Variants in AKAP1 observed in about 807,000 individuals in gnomAD.
The protein encoded by AKAP1 is A-kinase anchor protein 1, mitochondrial.
Under a neutral mutation model 79.8 loss-of-function variants are expected in AKAP1, and 32 were observed. That is an observed-to-expected ratio of 0.40 (90% CI 0.30 to 0.54). The LOEUF is 0.54. Ranked by LOEUF, AKAP1 falls within the 20% of genes least tolerant of loss-of-function variation. The probability of loss-of-function intolerance (pLI) is 0.47; values close to 1 mark genes in which losing one functional copy is unlikely to be tolerated. For missense variants in AKAP1, 961 were observed against 1,138.9 expected (o/e 0.84, Z 2.25); for synonymous variants, 416 against 466.7 (o/e 0.89, Z 1.40).
chr17:57,096,527 T>C (rs1299139589), intron 1 of AKAP1: 3 of 151,602 alleles, frequency 2.0e-5, no homozygotes, highest in Non-Finnish European at 4.4e-5. Context: ...ACAACCCCAC[T>C]GTGAGCTAAT....
chr17:57,118,491 T>C, intron 9 of AKAP1, 37 bp downstream of exon 9: 1 of 1,607,362 alleles, frequency 6.2e-7, no homozygotes, highest in Non-Finnish European at 8.5e-7. Flanking sequence ...GCAGGCTGGC[T>C]GGGTTCTTGG....
intron 6 of AKAP1, 43 bp from the exon 7 acceptor site, chr17:57,116,068 C>T (rs1915561066): frequency 2.5e-6 from 4 of 1,597,052 alleles, no homozygotes; most frequent in South Asian, 1.1e-5. Flanking sequence ...TGGTGCCCTG[C>T]CCTGGCCCAG....
chr17:57,111,617 C>G (rs1319816816), intron 3 of AKAP1, among the ~76,000 whole-genome samples, 181 bp from the exon 4 acceptor site: 1 of 152,288 alleles, frequency 6.6e-6, no homozygotes, highest in African/African-American at 2.4e-5. Context: ...ATAAAGTTAT[C>G]TGTGTTTCAC....
intron 6 of AKAP1, among the ~76,000 whole-genome samples, chr17:57,115,140 A>G (rs916287156): frequency 6.6e-6 from 1 of 152,146 alleles, no homozygotes; most frequent in East Asian, 1.9e-4. Context: ...GACTTGCCCA[A>G]GTGAGCAGGA....
chr17:57,110,760 T>C (rs533370308), intron 3 of AKAP1, among the ~76,000 whole-genome samples: 121 of 152,364 alleles, frequency 7.9e-4, no homozygotes, highest in South Asian at 3.3e-3. Context: ...TGTTATTCTT[T>C]GAAAATGTAA....
Position 57,120,584 on chromosome 17 carries a change from A to AT in AKAP1, c.*260_*261insT. The AT allele has an allele frequency of 2.7e-6, 1 of 373,424 alleles. No homozygotes were observed. The allele number at this position is 373,424 out of a possible 1,614,324, so 23.1% of individuals were successfully genotyped here. ...TCTCAGCTGTTTAAAAAAAAAAAAA[A>AT]AAAGGAATAGAAACAGTTTCAACCA... On this transcript the variant is annotated 3_prime_UTR_variant, in exon 11 of 11. Transcript: ENST00000337714.
chr17:57,118,975 T>A lies in AKAP1; in HGVS notation c.2575-7T>A, dbSNP rs1915756304. ...ACCATATTATTCTTTCCACCCCCCT[T>A]CTTCAGGTGACAAGTTACAGTCCAA... On this transcript the variant is annotated splice_polypyrimidine_tract_variant and splice_region_variant and intron_variant, in intron 9 of 10. Coordinates refer to ENST00000337714, the MANE Select transcript of AKAP1 (RefSeq NM_003488.4). 6.2e-7 allele frequency: 1 copy of A among 1,613,098 alleles called. No homozygotes were observed. Among genetic ancestry groups the A allele is most frequent in the African/African-American group, 1.3e-5 (1 of 74,898 alleles).
At chr17:57,105,170 G>A (rs1037189952) in intron 1 of AKAP1, among the ~76,000 whole-genome samples, 2 of 152,204 alleles carry the variant, frequency 1.3e-5, no homozygotes, top group African/African-American at 4.8e-5. Flanking sequence ...GAGGGATTTG[G>A]GTTAAAGAAT....
intron 10 of AKAP1, 64 bp downstream of exon 10, chr17:57,119,108 G>C: frequency 6.5e-7 from 1 of 1,546,004 alleles, no homozygotes; most frequent in East Asian, 2.3e-5. Flanking sequence ...ATTAGGAGCT[G>C]GTCCTGGGAT....
intron 1 of AKAP1, among the ~76,000 whole-genome samples, chr17:57,102,351 G>A (rs1016892411): frequency 6.6e-6 from 1 of 152,164 alleles, no homozygotes; most frequent in Non-Finnish European, 1.5e-5. Flanking sequence ...CTCCGGAAAG[G>A]TAGTACAGAC....
At chr17:57,117,033 T>G in intron 8 of AKAP1, 106 bp downstream of exon 8, 1 of 1,172,718 alleles carries the variant, frequency 8.5e-7, no homozygotes, top group Admixed American at 1.7e-5. Context: ...CTAACATAAG[T>G]TGCTACCACT....
At position 57,114,558 on chromosome 17, in the gene AKAP1, G is replaced by A. The variant is rs576554873; in HGVS notation, c.2203G>A (p.Ala735Thr). Residue 735 changes from alanine to threonine, a missense_variant, in exon 6 of 11, where the codon GCG becomes ACG. Physicochemically the swap from Ala to Thr is moderately conservative, Grantham distance 58 (BLOSUM62 0). Coordinates refer to ENST00000337714, the MANE Select transcript of AKAP1 (RefSeq NM_003488.4). ...GCAGCACACACACCCTACCTTCCACGCGCTGCGCAGCCTCGACCAGCAGAT... is the reference window on the plus strand; with the variant it reads ...GCAGCACACACACCCTACCTTCCACACGCTGCGCAGCCTCGACCAGCAGAT... ...VQQHTHPTFH[A>T]LRSLDQQMYL... The A allele has an allele frequency of 1.2e-5, 19 of 1,614,138 alleles. No individual in the cohort carries two copies. Among genetic ancestry groups the A allele is most frequent in the Admixed American group, 3.3e-5 (2 of 60,010 alleles).
At chr17:57,115,858 G>T (rs1418508135) in intron 6 of AKAP1, among the ~76,000 whole-genome samples, 1 of 152,320 alleles carries the variant, frequency 6.6e-6, no homozygotes, top group South Asian at 2.1e-4. Flanking sequence ...GATCTAGACT[G>T]AATGCTTCTC....
chr17:57,116,088 G>C (rs560345208), intron 6 of AKAP1, 23 bp from the exon 7 acceptor site: 4 of 1,607,412 alleles, frequency 2.5e-6, no homozygotes, highest in Middle Eastern at 1.7e-4. Flanking sequence ...GGCGTTCCAC[G>C]CACTCTGCTC....
Position 57,105,432 on chromosome 17 carries a change from T to C in AKAP1, c.-24-9T>C. The C allele has an allele frequency of 6.3e-7, 1 of 1,595,244 alleles. No homozygotes were observed. The highest frequency in any genetic ancestry group is 8.5e-7 in the Non-Finnish European group (1 of 1,171,884). ...ACATCCCTCCTCCCCGCTCTCCTGC[T>C]CTCCCCAGGTGTAATTACTTCAAGC... is the stretch of plus-strand genomic sequence containing the variant. On this transcript the variant is annotated splice_polypyrimidine_tract_variant and intron_variant, in intron 1 of 10. Coordinates refer to ENST00000337714, the MANE Select transcript of AKAP1 (RefSeq NM_003488.4).
At chr17:57,089,575 G>A (rs148485190) in intron 1 of AKAP1, among the ~76,000 whole-genome samples, 130 of 152,280 alleles carry the variant, frequency 8.5e-4, no homozygotes, top group Non-Finnish European at 1.6e-3. Context: ...TTCCATAATC[G>A]AAGAAAGTTT....
chr17:57,112,378 C>G, intron 4 of AKAP1, 113 bp from the exon 5 acceptor site: 1 of 1,350,914 alleles, frequency 7.4e-7, no homozygotes, highest in Non-Finnish European at 1.0e-6. Context: ...CAAAGATGCA[C>G]TTGAACTCTA....
rs779149867 is a variant in AKAP1 at position 57,086,498 on chromosome 17, C to G, written c.-25+1100C>G. 1.3e-5 allele frequency: 6 copies of G among 451,680 alleles called. No homozygotes were observed. Among genetic ancestry groups the G allele is most frequent in the South Asian group, 7.8e-5 (5 of 64,068 alleles). The allele number at this position is 451,680 out of a possible 1,614,324, so 28.0% of individuals were successfully genotyped here. A position where few individuals can be genotyped will look rare whatever the true frequency, so the allele number is the denominator to read the frequency against. On this transcript the variant is annotated intron_variant, in intron 1 of 10. Transcript: ENST00000337714. This position sits in a 1 kb window ranked among gnomAD's most constrained non-coding sequence, Gnocchi z 5.1. ...GGGATGTCCTGGGTGGCGGCGCCTT[C>G]CTGCCGCCGTTAACACAAACCCGGT...
intron 2 of AKAP1, 152 bp downstream of exon 2, chr17:57,107,330 C>T (rs1914959828): frequency 2.7e-6 from 3 of 1,103,014 alleles, no homozygotes; most frequent in Non-Finnish European, 3.8e-6. Context: ...CTGGACACGG[C>T]GTAGAGCTGG....
Sources: allele counts gnomAD v4.1 joint callset (sites outside exome capture counted in the v4.1 genomes callset), GRCh38; gene constraint gnomAD v4.1.1; non-coding constraint Gnocchi (gnomAD v3.1); transcripts MANE v1.5; gene names NCBI Gene and HGNC (gene_info 2026-07-23, HGNC 2026-07-21).